DENND1B: variants seen among roughly 807,000 people sequenced by gnomAD.
DENND1B encodes DENN domain-containing protein 1B.
In DENND1B, 59 loss-of-function variants were observed where a neutral mutation model predicts 90.1. That is an observed-to-expected ratio of 0.65 (90% CI 0.53 to 0.81). DENND1B has a LOEUF of 0.81. Ranked by LOEUF, DENND1B falls within the 40% of genes least tolerant of loss-of-function variation. The pLI is 0.00. For missense variants in DENND1B, 862 were observed against 912.6 expected (o/e 0.94, Z 0.71); for synonymous variants, 337 against 324.6 (o/e 1.04, Z -0.41).
intron 2 of DENND1B, among the ~76,000 whole-genome samples, chr1:197,745,334 A>C (rs1461435438): frequency 6.6e-6 from 1 of 152,096 alleles, no homozygotes; most frequent in Non-Finnish European, 1.5e-5. Context: ...ATTATATTTC[A>C]AGTGAAATAC....
chr1:197,677,442 G>T (rs1656205929), intron 3 of DENND1B, among the ~76,000 whole-genome samples: 1 of 152,100 alleles, frequency 6.6e-6, no homozygotes, highest in Non-Finnish European at 1.5e-5. Flanking sequence ...TAAACTGGCA[G>T]CACCATCTAC....
At chr1:197,555,060 T>C (rs1387759725) in intron 15 of DENND1B, among the ~76,000 whole-genome samples, 1 of 151,788 alleles carries the variant, frequency 6.6e-6, no homozygotes, top group Admixed American at 6.6e-5. Context: ...TTTAACAAAA[T>C]TGACAAAAAT....
chr1:197,628,837 AC>A (rs1431822988), intron 10 of DENND1B, among the ~76,000 whole-genome samples: 2 of 151,968 alleles, frequency 1.3e-5, no homozygotes, highest in Non-Finnish European at 2.9e-5. Flanking sequence ...CAAGAAAAAA[AC>A]AAACAACCCC....
chr1:197,690,575 G>C (rs1447708670), intron 3 of DENND1B: 1 of 237,834 alleles, frequency 4.2e-6, no homozygotes, highest in African/African-American at 2.3e-5. Flanking sequence ...CAGTGGACAA[G>C]AGGGCTGCTA....
rs1558480522 is a variant in DENND1B at position 197,751,974 on chromosome 1, AAGGAG to A, written c.82+20889_82+20893del. The stretch of plus-strand genomic sequence containing the variant: ...AGGAGGAAGGGGGGAGGAGGAGGAG[AAGGAG>A]AAGAAGAAGAAGAAGAAGTAGAAGG... On this transcript the variant is annotated intron_variant, in intron 2 of 22. Coordinates refer to ENST00000620048, the MANE Select transcript of DENND1B (RefSeq NM_001195215.2). Among the ~76,000 whole-genome samples, 94 of 89,016 alleles carry A rather than the reference AAGGAG, an allele frequency of 1.1e-3. No homozygotes were observed. In the East Asian group the frequency reaches 0.038, roughly 36 times the overall value. The allele number at this position is 89,016 out of a possible 152,430, so 58.4% of individuals were successfully genotyped here.
intron 7 of DENND1B, among the ~76,000 whole-genome samples, chr1:197,650,664 A>G (rs1291505848): frequency 1.3e-5 from 2 of 152,326 alleles, no homozygotes; most frequent in East Asian, 1.9e-4. Context: ...GTATATATAT[A>G]TGATGGAATA....
chr1:197,621,102 C>G (rs547722502), intron 10 of DENND1B, among the ~76,000 whole-genome samples: 1 of 151,338 alleles, frequency 6.6e-6, no homozygotes, highest in East Asian at 2.0e-4. Context: ...TCAGTGAGAT[C>G]AGACTGGAGG....
At chr1:197,579,710 C>G (rs1403035053) in intron 15 of DENND1B, among the ~76,000 whole-genome samples, 4 of 152,148 alleles carry the variant, frequency 2.6e-5, no homozygotes, top group Non-Finnish European at 5.9e-5. Flanking sequence ...TTTTCCATTT[C>G]TGTCTTTCCA....
At chr1:197,758,960 ATTTTTTTT>A (rs759108636) in intron 2 of DENND1B, among the ~76,000 whole-genome samples, 16 of 97,850 alleles carry the variant, frequency 1.6e-4, no homozygotes, top group East Asian at 3.5e-4. Flanking sequence ...TACTTCATTA[ATTTTTTTT>A]TTTTTTTTTT....
At chr1:197,547,830 CA>C (rs34879882) in intron 16 of DENND1B, among the ~76,000 whole-genome samples, 121,507 of 151,930 alleles carry the variant, frequency 0.8, 48,692 homozygotes, top group East Asian at 0.87. Context: ...TAAACAACAA[CA>C]AAAAAAACCC....
At chr1:197,675,157 A>G (rs2125989017) in intron 3 of DENND1B, among the ~76,000 whole-genome samples, 1 of 152,228 alleles carries the variant, frequency 6.6e-6, no homozygotes, top group East Asian at 1.9e-4. Flanking sequence ...AAGAAAAAAG[A>G]GCAAATATCT....
intron 2 of DENND1B, chr1:197,746,693 C>A (rs936213019): frequency 1.3e-6 from 1 of 798,884 alleles, no homozygotes; most frequent in Non-Finnish European, 2.2e-6. Flanking sequence ...GGCTGGAAAA[C>A]GTTCTCAGTA....
chr1:197,527,939 C>A (rs574325403), intron 20 of DENND1B, among the ~76,000 whole-genome samples: 2 of 152,030 alleles, frequency 1.3e-5, no homozygotes, highest in African/African-American at 4.8e-5. Flanking sequence ...CCAAAGATCC[C>A]AACAAGTATA....
At chr1:197,550,413 T>C (rs1012812535) in intron 16 of DENND1B, among the ~76,000 whole-genome samples, 2 of 151,984 alleles carry the variant, frequency 1.3e-5, no homozygotes, top group African/African-American at 4.8e-5. Context: ...AAAAATGAGG[T>C]AATGAAAGTA....
Position 197,509,052 on chromosome 1 carries a change from C to G in DENND1B, c.*1408G>C, listed in dbSNP as rs568324607. On this transcript the variant is annotated 3_prime_UTR_variant, in exon 23 of 23. Coordinates refer to ENST00000620048, the MANE Select transcript of DENND1B (RefSeq NM_001195215.2). Reference sequence around the variant, plus strand: ...GCAGGAAGAACTTTAGAGTGACAAACGCTACCTCAGCCAGGTTATCAAGGT... The same window carrying G: ...GCAGGAAGAACTTTAGAGTGACAAAGGCTACCTCAGCCAGGTTATCAAGGT... 6.6e-6 allele frequency: 1 copy of G among 151,666 alleles called. No individual in the cohort carries two copies. The highest frequency in any genetic ancestry group is 2.4e-5 in the African/African-American group (1 of 41,340). 9.4% of individuals were successfully genotyped at this position (151,666 alleles called of 1,614,324 possible).
chr1:197,589,638 T>C (rs1284035179), intron 14 of DENND1B, among the ~76,000 whole-genome samples: 1 of 152,198 alleles, frequency 6.6e-6, no homozygotes, highest in African/African-American at 2.4e-5. Context: ...TTTAAATTGC[T>C]TGAGCTTAAT....
At chr1:197,551,784 C>T (rs1323204866) in intron 16 of DENND1B, among the ~76,000 whole-genome samples, 3 of 152,070 alleles carry the variant, frequency 2.0e-5, no homozygotes, top group Non-Finnish European at 2.9e-5. Flanking sequence ...CAAAATTTTG[C>T]TTGTCTGAGT....
intron 5 of DENND1B, among the ~76,000 whole-genome samples, chr1:197,667,066 G>A (rs780108493): frequency 6.6e-6 from 1 of 151,706 alleles, no homozygotes; most frequent in African/African-American, 2.4e-5. Flanking sequence ...CCCGAGAGGC[G>A]GAGGCTACAG....
upstream of DENND1B, among the ~76,000 whole-genome samples, chr1:197,775,974 TGCACCTGCTAAATA>T (rs1193802620): frequency 6.6e-6 from 1 of 152,194 alleles, no homozygotes; most frequent in Non-Finnish European, 1.5e-5. Context: ...TTCAGACATG[TGCACCTGCTAAATA>T]GCCCTGTCAA....
Sources: gnomAD v4.1 joint callset for allele counts (sites outside exome capture counted in the v4.1 genomes callset) on GRCh38, gnomAD v4.1.1 for gene constraint, MANE v1.5 for transcripts, NCBI Gene and HGNC (gene_info 2026-07-23, HGNC 2026-07-21) for gene names.